Variants in RYR2 observed in about 807,000 individuals in gnomAD.
RYR2 encodes ryanodine receptor 2, also known as cardiac muscle ryanodine receptor-calcium release channel.
Under a neutral mutation model 601.1 loss-of-function variants are expected in RYR2, and 227 were observed. The ratio of observed to expected loss-of-function variants is 0.38; its 90% confidence interval spans 0.34 to 0.42. The LOEUF is 0.42. Ranked by LOEUF, RYR2 falls within the 10% of genes least tolerant of loss-of-function variation. The pLI is 1.00. For missense variants in RYR2, 4,646 were observed against 6,156.5 expected, an observed-to-expected ratio of 0.75 and a Z score of 8.21; for synonymous variants, 2,223 against 2,175.1, an observed-to-expected ratio of 1.02 and a Z score of -0.61.
chr1:237,714,139 T>G (rs12074819), intron 71 of RYR2, among the ~76,000 whole-genome samples: 92 of 152,258 alleles, frequency 6.0e-4, no homozygotes, highest in African/African-American at 2.2e-3. Context: ...CCTTCACTCA[T>G]CTTAAACCTC....
intron 2 of RYR2, among the ~76,000 whole-genome samples, chr1:237,298,502 T>G (rs1185688414): frequency 6.6e-6 from 1 of 152,106 alleles, no homozygotes; most frequent in Non-Finnish European, 1.5e-5. Flanking sequence ...TTTTATTGTT[T>G]TCAAATTATT....
chr1:237,556,916 C>G (rs1249701488), intron 27 of RYR2, among the ~76,000 whole-genome samples: 1 of 112,946 alleles, frequency 8.9e-6, no homozygotes, highest in African/African-American at 3.2e-5. Flanking sequence ...AAAACCCTCT[C>G]AGTGGCTAAA....
chr1:237,085,758 C>CT (rs905027311), intron 1 of RYR2, among the ~76,000 whole-genome samples: 90 of 151,296 alleles, frequency 5.9e-4, no homozygotes, highest in Non-Finnish European at 1.2e-3. Context: ...CTGCTTCTGA[C>CT]TTTTTTTTTG....
intron 18 of RYR2, 61 bp from the exon 19 acceptor site, chr1:237,492,885 AAGGGAGGG>A (rs139196633): frequency 3.3e-5 from 41 of 1,224,174 alleles, no homozygotes; most frequent in Middle Eastern, 5.7e-4. Context: ...GGAAGGAAGG[AAGGGAGGG>A]AGGGAGGGAG....
intron 1 of RYR2, among the ~76,000 whole-genome samples, chr1:237,046,362 A>G (rs985790383): frequency 2.0e-5 from 3 of 152,152 alleles, no homozygotes; most frequent in African/African-American, 7.2e-5. Context: ...CTGTTCAAGT[A>G]TGTTTTAGGT....
At chr1:237,210,178 A>G (rs1682412686) in intron 1 of RYR2, among the ~76,000 whole-genome samples, 1 of 152,106 alleles carries the variant, frequency 6.6e-6, no homozygotes, top group African/African-American at 2.4e-5. Context: ...GTATTTTTAA[A>G]CTTTTTATAT....
intron 14 of RYR2, among the ~76,000 whole-genome samples, chr1:237,450,262 G>T (rs951061575): frequency 2.6e-5 from 4 of 152,098 alleles, no homozygotes; most frequent in African/African-American, 9.7e-5. Flanking sequence ...GTTCCCTCTT[G>T]TGAGCCCTCT....
rs150517707 is a variant in RYR2, at chr1:237,168,537, CTCTT to C, written c.49-101958_49-101955del. On this transcript the variant is annotated intron_variant, in intron 1 of 104. Transcript: ENST00000366574. The stretch of plus-strand genomic sequence containing the variant: ...CAAGCCTTCTGTTGTTCTATACTCT[CTCTT>C]TTCCTGCCTTTCGCCGAGAGGAATA... Among the ~76,000 whole-genome samples, 508 of 152,246 alleles carry C rather than the reference CTCTT, an allele frequency of 3.3e-3. 1 individual carries two copies. The highest frequency in any genetic ancestry group is 0.012 in the African/African-American group (494 of 41,562).
At chr1:237,547,667 C>T (rs1420359683) in intron 25 of RYR2, among the ~76,000 whole-genome samples, 1 of 152,132 alleles carries the variant, frequency 6.6e-6, no homozygotes, top group Non-Finnish European at 1.5e-5. Context: ...TGGAGCAGGG[C>T]AGTACTATTG....
intron 1 of RYR2, among the ~76,000 whole-genome samples, chr1:237,101,989 C>T (rs902560788): frequency 5.3e-5 from 8 of 152,140 alleles, no homozygotes; most frequent in Admixed American, 4.6e-4. Flanking sequence ...GCCTTGTGGG[C>T]CTCTTGATGG....
intron 50 of RYR2, among the ~76,000 whole-genome samples, chr1:237,650,469 AAAG>A (rs1161484952): frequency 6.6e-6 from 1 of 152,220 alleles, no homozygotes; most frequent in Non-Finnish European, 1.5e-5. Flanking sequence ...CTAGAAGAGA[AAAG>A]AAAAAAGGGA....
chr1:237,614,513 G>C lies in RYR2; in HGVS notation c.5385G>C (p.Leu1795=). Residue 1795 remains leucine (L), a synonymous_variant, in exon 37 of 105, where the codon CTG becomes CTC. Transcript: ENST00000366574. This position sits in a 1 kb window ranked among gnomAD's most constrained non-coding sequence, Gnocchi z 4.3. ...DILKSKTIQM[L]TEAVKEGSLH... ...TCAAGTCCAAAACCATACAGATGCTGACAGAAGCTGTTAAAGAGGGCAGTC... is the reference window on the plus strand; with the variant it reads ...TCAAGTCCAAAACCATACAGATGCTCACAGAAGCTGTTAAAGAGGGCAGTC... The C allele has an allele frequency of 6.2e-7, 1 of 1,614,042 alleles. No homozygotes were observed. Among genetic ancestry groups the C allele is most frequent in the South Asian group, 1.1e-5 (1 of 91,084 alleles).
chr1:237,097,655 T>G (rs911746696), intron 1 of RYR2, among the ~76,000 whole-genome samples: 1 of 152,230 alleles, frequency 6.6e-6, no homozygotes, highest in Non-Finnish European at 1.5e-5. Flanking sequence ...GCAACTTTAA[T>G]TTTTTGGTTT....
intron 98 of RYR2, among the ~76,000 whole-genome samples, chr1:237,803,446 G>C (rs376861116): frequency 1.3e-5 from 2 of 152,154 alleles, no homozygotes; most frequent in East Asian, 3.9e-4. Context: ...GACTACAGGC[G>C]CCCGCCACCA....
At chr1:237,521,789 T>C (rs2990542) in intron 24 of RYR2, among the ~76,000 whole-genome samples, 92,741 of 151,716 alleles carry the variant, frequency 0.61, 29,400 homozygotes, top group East Asian at 0.79. Context: ...TGCTTTTAAG[T>C]TAAATATGGT....
At chr1:237,701,242 A>T (rs1381473711) in intron 65 of RYR2, among the ~76,000 whole-genome samples, 1 of 152,226 alleles carries the variant, frequency 6.6e-6, no homozygotes, top group Admixed American at 6.5e-5. Context: ...TTAAGAAAGC[A>T]TGCTTAGTCC....
At chr1:237,267,539 G>T in intron 1 of RYR2, 2 of 227,016 alleles carry the variant, frequency 8.8e-6, no homozygotes, top group South Asian at 7.7e-5. Context: ...AAAAAGAGAA[G>T]AGAAGAGAAG....
At chr1:237,238,251 G>A (rs372873398) in intron 1 of RYR2, among the ~76,000 whole-genome samples, 25 of 152,024 alleles carry the variant, frequency 1.6e-4, no homozygotes, top group South Asian at 1.0e-3. Context: ...GATTACAGGC[G>A]TGAGCCACTG....
intron 10 of RYR2, among the ~76,000 whole-genome samples, chr1:237,389,987 G>C (rs1702246749): frequency 6.6e-6 from 1 of 152,180 alleles, no homozygotes; most frequent in Non-Finnish European, 1.5e-5. Flanking sequence ...AATCAGGCAG[G>C]GGGCTGAGGA....
Sources: allele counts gnomAD v4.1 joint callset (sites outside exome capture counted in the v4.1 genomes callset), GRCh38; gene constraint gnomAD v4.1.1; non-coding constraint Gnocchi (gnomAD v3.1); transcripts MANE v1.5; gene names NCBI Gene and HGNC (gene_info 2026-07-23, HGNC 2026-07-21).